The following PCDHGB1 variants were observed in gnomAD, a reference collection of about 807,000 sequenced individuals.
The protein encoded by PCDHGB1 is protocadherin gamma subfamily B, 1, also known as protocadherin gamma-B1.
In PCDHGB1, 34 loss-of-function variants were observed where a neutral mutation model predicts 56.6. The ratio of observed to expected loss-of-function variants is 0.60; its 90% CI spans 0.46 to 0.80. The LOEUF (loss-of-function observed/expected upper bound fraction) is 0.80, where lower values mean the gene tolerates loss of function less well. Among genes scored for constraint, PCDHGB1 ranks in the 30% least tolerant of loss-of-function variants. The probability of loss-of-function intolerance (pLI) is 0.00; values close to 1 mark genes in which losing one functional copy is unlikely to be tolerated. For missense variants in PCDHGB1, 1,278 were observed against 1,204.6 expected (o/e 1.06, Z -0.90); for synonymous variants, 561 against 505.9 (o/e 1.11, Z -1.46).
At chr5:141,405,179 G>A (rs2094620573) in intron 1 of PCDHGB1, 1 of 1,614,028 alleles carries the variant, frequency 6.2e-7, no homozygotes, top group South Asian at 1.1e-5. Context: ...CTTTGTGGGT[G>A]TAGATGGGGT....
At chr5:141,394,855 C>A in intron 1 of PCDHGB1, 1 of 1,613,778 alleles carries the variant, frequency 6.2e-7, no homozygotes, top group Non-Finnish European at 8.5e-7. Flanking sequence ...CTGAAGCCTT[C>A]GGTCGACCCG....
chr5:141,378,980 G>T (rs1336652080), intron 1 of PCDHGB1: 1 of 152,182 alleles, frequency 6.6e-6, no homozygotes, highest in Non-Finnish European at 1.5e-5. Context: ...ATGACTTGTT[G>T]AACTACATTA....
intron 1 of PCDHGB1, chr5:141,403,093 C>T (rs1368239890): frequency 6.2e-7 from 1 of 1,614,072 alleles, no homozygotes; most frequent in Non-Finnish European, 8.5e-7. Flanking sequence ...TTGTGGGCAA[C>T]ATCTCCAAGG....
intron 1 of PCDHGB1, chr5:141,365,253 A>G (rs1763814300): frequency 8.7e-6 from 14 of 1,613,978 alleles, no homozygotes; most frequent in Non-Finnish European, 1.1e-5. Context: ...CAATCACTGG[A>G]CTATGAAGAA....
intron 1 of PCDHGB1, among the ~76,000 whole-genome samples, chr5:141,480,875 T>C (rs1285607270): frequency 6.6e-6 from 1 of 152,062 alleles, no homozygotes; most frequent in African/African-American, 2.4e-5. Context: ...TGAAACCCCG[T>C]CTCTACTAAA....
At chr5:141,363,869 A>G (rs1763089883) in intron 1 of PCDHGB1, among the ~76,000 whole-genome samples, 2 of 152,238 alleles carry the variant, frequency 1.3e-5, no homozygotes. Context: ...GATAAGAGGT[A>G]AATAAAGGAC....
chr5:141,449,842 A>G (rs893220311), intron 1 of PCDHGB1, among the ~76,000 whole-genome samples: 4 of 151,700 alleles, frequency 2.6e-5, no homozygotes, highest in Non-Finnish European at 4.4e-5. Flanking sequence ...TTATATAATT[A>G]AATTTTAATA....
At chr5:141,410,006 G>T (rs1201569227) in intron 1 of PCDHGB1, 8 of 1,613,274 alleles carry the variant, frequency 5.0e-6, no homozygotes, top group Non-Finnish European at 5.1e-6. Context: ...GGGACACAAC[G>T]CCTGGCTGTC....
At chr5:141,388,893 G>C in intron 1 of PCDHGB1, 2 of 1,613,982 alleles carry the variant, frequency 1.2e-6, no homozygotes, top group South Asian at 2.2e-5. Flanking sequence ...AGAAGTCATA[G>C]ATGAAAATGA....
chr5:141,364,437 C>T (rs1489838873), intron 1 of PCDHGB1: 16 of 1,613,832 alleles, frequency 9.9e-6, no homozygotes, highest in Middle Eastern at 3.3e-4. Context: ...TACTCGATGC[C>T]GGAGGAGCTG....
chr5:141,383,475 G>A (rs762489709), intron 1 of PCDHGB1: 1 of 1,613,594 alleles, frequency 6.2e-7, no homozygotes, highest in African/African-American at 1.3e-5. Flanking sequence ...CTAAGTACCC[G>A]GAACTGGTGC....
intron 1 of PCDHGB1, chr5:141,373,906 A>T: frequency 1.7e-6 from 1 of 604,222 alleles, no homozygotes; most frequent in South Asian, 4.3e-5. Context: ...ACATCCTCCA[A>T]CAACAAAGCA....
In PCDHGB1 at chr5:141,485,244, T is replaced by C; in HGVS notation, c.2410-9563T>C. ...ACCCTTTTGTTCCTCTTTTACCACC[T>C]GGGTTACGTTTGTGGGCAGATCCGC... On this transcript the variant is annotated intron_variant, in intron 1 of 3. Transcript: ENST00000523390. This position sits in a 1 kb window ranked among gnomAD's most constrained non-coding sequence, Gnocchi z 5.7. 1 of 1,614,168 alleles carries C rather than the reference T, an allele frequency of 6.2e-7. No individual in the cohort carries two copies. Among genetic ancestry groups the C allele is most frequent in the Admixed American group, 1.7e-5 (1 of 60,016 alleles).
chr5:141,365,340 T>C (rs776988694), intron 1 of PCDHGB1: 5 of 1,613,832 alleles, frequency 3.1e-6, no homozygotes, highest in Admixed American at 1.7e-5. Flanking sequence ...GTGGTCACAG[T>C]ACAGGACGTG....
intron 1 of PCDHGB1, chr5:141,402,843 G>A (rs1370040306): frequency 5.7e-6 from 8 of 1,399,114 alleles, no homozygotes; most frequent in Non-Finnish European, 6.6e-6. Context: ...GCAAAACTCA[G>A]CCTCTTTCTT....
chr5:141,489,804 G>A lies in PCDHGB1; in HGVS notation c.2410-5003G>A, dbSNP rs2099692572. 1 of 1,614,056 alleles carries A rather than the reference G, an allele frequency of 6.2e-7. No homozygotes were observed. The highest frequency in any genetic ancestry group is 1.3e-5 in the African/African-American group (1 of 74,932). ...TGAATGTGAAGACCCTAAAAGATGG[G>A]AAGCCATTCCCAGAGCTGGTGCTAG... On this transcript the variant is annotated intron_variant, in intron 1 of 3. Transcript: ENST00000523390. The surrounding 1 kb of genome is among the most constrained non-coding windows in gnomAD (Gnocchi z 4.5).
intron 1 of PCDHGB1, chr5:141,382,985 G>C (rs769787880): frequency 1.2e-6 from 2 of 1,613,304 alleles, no homozygotes; most frequent in African/African-American, 2.7e-5. Context: ...GCCTGGGCAG[G>C]ACGTATTCTC....
At chr5:141,415,036 T>C (rs772612744) in intron 1 of PCDHGB1, 1 of 1,613,526 alleles carries the variant, frequency 6.2e-7, no homozygotes, top group Admixed American at 1.7e-5. Context: ...GCCGGGACTC[T>C]TCGCGGTGGG....
Position 141,393,093 on chromosome 5 carries a change from G to A in PCDHGB1, c.2409+40424G>A, listed in dbSNP as rs781611512. On this transcript the variant is annotated intron_variant, in intron 1 of 3. Coordinates refer to ENST00000523390, the MANE Select transcript of PCDHGB1 (RefSeq NM_018922.3). The stretch of plus-strand genomic sequence containing the variant: ...CACCGCGGGCAGGATAGATCGGGAG[G>A]AGCTCTGCGCTCAGAGCCCGCGGTG... 138 of 1,613,502 alleles carry A rather than the reference G, an allele frequency of 8.6e-5. No individual in the cohort carries two copies. The highest frequency in any genetic ancestry group is 1.2e-4 in the Non-Finnish European group (136 of 1,179,914).
Sources: gnomAD v4.1 joint callset for allele counts (sites outside exome capture counted in the v4.1 genomes callset) on GRCh38, gnomAD v4.1.1 for gene constraint, Gnocchi (gnomAD v3.1) non-coding constraint, MANE v1.5 for transcripts, NCBI Gene and HGNC (gene_info 2026-07-23, HGNC 2026-07-21) for gene names.